Variants in SLC38A6 observed in about 807,000 individuals in gnomAD.
SLC38A6 encodes the protein solute carrier family 38 member 6.
A neutral mutation model predicts 65.0 loss-of-function variants in SLC38A6; 73 were observed. The observed-to-expected ratio is 1.12, with a 90% CI of 0.93 to 1.37. The LOEUF (loss-of-function observed/expected upper bound fraction) is 1.37, where lower values mean the gene tolerates loss of function less well. Ranked by LOEUF, SLC38A6 falls within the 40% of genes most tolerant of loss-of-function variation. The pLI, the probability that SLC38A6 is intolerant of heterozygous loss-of-function variation, is 0.00. For synonymous variants in SLC38A6, 183 were observed against 178.8 expected (o/e 1.02, Z -0.19); for missense variants, 561 against 531.1 (o/e 1.06, Z -0.55).
At chr14:61,009,361 CTT>C (rs1459541224) in intron 3 of SLC38A6, among the ~76,000 whole-genome samples, 1 of 152,010 alleles carries the variant, frequency 6.6e-6, no homozygotes, top group African/African-American at 2.4e-5. Context: ...TGATTAGAAA[CTT>C]TTGCTTAGGA....
At chr14:60,996,318 T>G (rs891723945) in intron 3 of SLC38A6, among the ~76,000 whole-genome samples, 4 of 152,138 alleles carry the variant, frequency 2.6e-5, no homozygotes, top group Non-Finnish European at 4.4e-5. Context: ...AAGAAGATCC[T>G]GCATTCTTGA....
At chr14:61,027,553 C>T (rs376460242) in intron 5 of SLC38A6, among the ~76,000 whole-genome samples, 14 of 152,006 alleles carry the variant, frequency 9.2e-5, no homozygotes, top group Admixed American at 5.2e-4. Context: ...TCTAGTAAAC[C>T]TTTTAGTTAA....
chr14:60,984,505 T>A (rs958976320), intron 2 of SLC38A6, among the ~76,000 whole-genome samples: 8 of 152,108 alleles, frequency 5.3e-5, no homozygotes, highest in African/African-American at 1.9e-4. Context: ...AAGTTTGGTT[T>A]TTATTTTTTT....
At chr14:61,074,585 C>A (rs901957445) in intron 15 of SLC38A6, among the ~76,000 whole-genome samples, 3 of 152,168 alleles carry the variant, frequency 2.0e-5, no homozygotes, top group Admixed American at 2.0e-4. Flanking sequence ...AAGACCCCAT[C>A]TTGAAATACT....
At chr14:61,038,112 C>G (rs565786688) in intron 8 of SLC38A6, among the ~76,000 whole-genome samples, 1 of 152,162 alleles carries the variant, frequency 6.6e-6, no homozygotes, top group Non-Finnish European at 1.5e-5. Flanking sequence ...TTGAGGAGAT[C>G]TAGTAAGAAC....
intron 3 of SLC38A6, 134 bp from the exon 4 acceptor site, chr14:61,015,770 T>G (rs1341898924): frequency 2.0e-6 from 1 of 508,074 alleles, no homozygotes; most frequent in Non-Finnish European, 3.2e-6. Context: ...TTTCTCATTT[T>G]GTGTTTAGTC....
chr14:61,078,052 C>G lies in SLC38A6; in HGVS notation c.1291-758C>G, dbSNP rs112940325. On this transcript the variant is annotated intron_variant, in intron 15 of 16. Coordinates refer to the SLC38A6 transcript ENST00000354886. ...TTGGTAAACTACTGGAACTTACAAT[C>G]CAATGGAGGTGACCTCTATACAATA... 4.0e-3 allele frequency among the ~76,000 whole-genome samples: 604 copies of G among 152,320 alleles called. 3 individuals are homozygous for G. The highest frequency in any genetic ancestry group is 9.8e-3 in the African/African-American group (407 of 41,578).
At chr14:61,064,096 G>C (rs543763823) in intron 15 of SLC38A6, among the ~76,000 whole-genome samples, 1 of 152,218 alleles carries the variant, frequency 6.6e-6, no homozygotes, top group South Asian at 2.1e-4. Flanking sequence ...GGCCCCAGGT[G>C]CACGTTTTGA....
intron 4 of SLC38A6, among the ~76,000 whole-genome samples, chr14:61,016,280 A>G (rs1232531220): frequency 2.0e-5 from 3 of 152,230 alleles, no homozygotes; most frequent in African/African-American, 7.2e-5. Context: ...TACTCATATG[A>G]GTAAACCCTC....
Position 61,083,689 on chromosome 14 carries a change from AC to A in SLC38A6, c.1545del (p.Ser516ProfsTer4). The A allele has an allele frequency of 1.9e-6, 3 of 1,548,470 alleles. No individual in the cohort carries two copies. Among genetic ancestry groups the A allele is most frequent in the Non-Finnish European group, 2.6e-6 (3 of 1,146,572 alleles). ...CCACACCTTGATCTTGCACTTCCCA[AC>A]CTCCAGAACTGTGAGCAAATAAATG... On this transcript the variant is annotated frameshift_variant, in exon 17 of 17. Transcript: ENST00000354886. LOFTEE classifies it high-confidence loss of function.
chr14:61,015,198 C>G (rs940510030), intron 3 of SLC38A6, among the ~76,000 whole-genome samples: 2 of 152,184 alleles, frequency 1.3e-5, no homozygotes, highest in African/African-American at 4.8e-5. Context: ...GGGATATAAT[C>G]TCCTGGTGTA....
chr14:61,074,844 CT>C (rs921819044), intron 15 of SLC38A6, among the ~76,000 whole-genome samples: 165 of 145,040 alleles, frequency 1.1e-3, no homozygotes, highest in Admixed American at 1.4e-3. Flanking sequence ...TCCTTAATGT[CT>C]TTTTTTTTTT....
chr14:61,002,506 C>G (rs2038780950), intron 3 of SLC38A6, among the ~76,000 whole-genome samples: 1 of 152,160 alleles, frequency 6.6e-6, no homozygotes, highest in Non-Finnish European at 1.5e-5. Flanking sequence ...GAAACCTGGG[C>G]TCTTTACTAT....
chr14:61,051,132 TGA>T (rs1466795901), intron 13 of SLC38A6, among the ~76,000 whole-genome samples: 2 of 152,198 alleles, frequency 1.3e-5, no homozygotes, highest in African/African-American at 4.8e-5. Context: ...TTGCTATACT[TGA>T]GAATCTTAAG....
chr14:61,028,887 C>T (rs963043320), intron 5 of SLC38A6, among the ~76,000 whole-genome samples: 7 of 152,122 alleles, frequency 4.6e-5, no homozygotes, highest in Non-Finnish European at 7.4e-5. Flanking sequence ...CGCAAAGTAG[C>T]ATGTATCCTT....
intron 15 of SLC38A6, among the ~76,000 whole-genome samples, chr14:61,073,444 TGGG>T: frequency 6.6e-6 from 1 of 152,280 alleles, no homozygotes; most frequent in African/African-American, 2.4e-5. Context: ...ACGTGAGTTT[TGGG>T]GGGAACAAAC....
At chr14:61,007,355 T>G (rs2039215864) in intron 3 of SLC38A6, among the ~76,000 whole-genome samples, 1 of 151,434 alleles carries the variant, frequency 6.6e-6, no homozygotes, top group Admixed American at 6.6e-5. Context: ...ACAGACCAGA[T>G]GCAGTGGCTC....
rs769931474 is a variant in SLC38A6, at chr14:61,052,317, CTTATCTT to C, written c.1291-22_1291-16del. On this transcript the variant is annotated intron_variant, in intron 15 of 15. Transcript: ENST00000267488. ...TTTTTATCTTTTTTCTTTTATCTTT[CTTATCTT>C]TTATCTTTTTTCTTATTTCCACAGG... is the stretch of plus-strand genomic sequence containing the variant. The C allele has an allele frequency of 2.0e-6, 3 of 1,507,066 alleles. No individual in the cohort carries two copies. The East Asian group carries it at 7.3e-5, about 37-fold the overall frequency. The allele number at this position is 1,507,066 out of a possible 1,614,324, so 93.4% of individuals were successfully genotyped here. A position where few individuals can be genotyped will look rare whatever the true frequency, so the allele number is the denominator to read the frequency against.
intron 16 of SLC38A6, among the ~76,000 whole-genome samples, chr14:61,079,133 C>CTTTTTTT (rs34713691): frequency 1.1e-5 from 1 of 93,902 alleles, no homozygotes; most frequent in African/African-American, 4.7e-5. Flanking sequence ...TGCCTCCAAA[C>CTTTTTTT]TTTTTTTTTT....
Sources: gnomAD v4.1 joint callset for allele counts (sites outside exome capture counted in the v4.1 genomes callset) on GRCh38, gnomAD v4.1.1 for gene constraint, MANE v1.5 for transcripts, NCBI Gene and HGNC (gene_info 2026-07-23, HGNC 2026-07-21) for gene names.